The following ATP1B3 variants were observed in gnomAD, a reference collection of about 807,000 sequenced individuals.
ATP1B3 encodes the protein sodium/potassium-transporting ATPase subunit beta-3.
A neutral mutation model predicts 30.2 loss-of-function variants in ATP1B3; 10 were observed. The observed-to-expected ratio is 0.33, with a 90% CI of 0.20 to 0.56. The LOEUF (loss-of-function observed/expected upper bound fraction) is 0.56, where lower values mean the gene tolerates loss of function less well. Among genes scored for constraint, ATP1B3 ranks in the 20% least tolerant of loss-of-function variants. The pLI, the probability that ATP1B3 is intolerant of heterozygous loss-of-function variation, is 0.90. For missense variants in ATP1B3, 238 were observed against 336.7 expected, an observed-to-expected ratio of 0.71 and a Z score of 2.29; for synonymous variants, 113 against 117.0, an observed-to-expected ratio of 0.97 and a Z score of 0.22.
chr3:141,893,303 C>T (rs1933994068), intron 1 of ATP1B3, among the ~76,000 whole-genome samples: 1 of 152,144 alleles, frequency 6.6e-6, no homozygotes, highest in African/African-American at 2.4e-5. Context: ...GCCACCACAC[C>T]CAGCTCTCTT....
At chr3:141,893,500 A>G (rs1933998706) in intron 1 of ATP1B3, among the ~76,000 whole-genome samples, 1 of 151,940 alleles carries the variant, frequency 6.6e-6, no homozygotes, top group Non-Finnish European at 1.5e-5. Context: ...TGTCTCAACA[A>G]TTTTTCATAT....
intron 1 of ATP1B3, among the ~76,000 whole-genome samples, chr3:141,878,732 ATC>A (rs758235099): frequency 1.3e-5 from 2 of 152,246 alleles, no homozygotes; most frequent in Non-Finnish European, 2.9e-5. Flanking sequence ...GATTAAGTCA[ATC>A]TCTTCAAAAT....
At chr3:141,919,661 G>A (rs937915128) in intron 5 of ATP1B3, among the ~76,000 whole-genome samples, 25 of 152,206 alleles carry the variant, frequency 1.6e-4, no homozygotes, top group African/African-American at 5.3e-4. Context: ...TGCTATTGCC[G>A]GACGCGGTGG....
chr3:141,904,607 GA>G (rs376485506), intron 2 of ATP1B3, among the ~76,000 whole-genome samples: 6 of 149,270 alleles, frequency 4.0e-5, no homozygotes, highest in Non-Finnish European at 5.9e-5. Context: ...TTTTCTTCTG[GA>G]AAAAAAATTC....
chr3:141,882,091 A>G (rs562943528), intron 1 of ATP1B3, among the ~76,000 whole-genome samples: 1 of 152,174 alleles, frequency 6.6e-6, no homozygotes, highest in South Asian at 2.1e-4. Flanking sequence ...TATCTATACA[A>G]TTAAACTAGT....
At chr3:141,889,728 CAAAAAAAA>C (rs1168549266) in intron 1 of ATP1B3, among the ~76,000 whole-genome samples, 4 of 48,480 alleles carry the variant, frequency 8.3e-5, no homozygotes, top group African/African-American at 2.5e-4. Flanking sequence ...GACTCCGTCT[CAAAAAAAA>C]AAAAAAAAAA....
At position 141,925,515 on chromosome 3, in the gene ATP1B3, T is replaced by G; in HGVS notation, c.670-16T>G. The G allele has an allele frequency of 6.3e-7, 1 of 1,584,814 alleles. No homozygotes were observed. Among genetic ancestry groups the G allele is most frequent in the South Asian group, 1.2e-5 (1 of 85,920 alleles). ...TCCATAGAGTTTGAATTAATATATTTTCCTTTTATTGCCAGGTTGGGTATC... is the reference window on the plus strand; with the variant it reads ...TCCATAGAGTTTGAATTAATATATTGTCCTTTTATTGCCAGGTTGGGTATC... On this transcript the variant is annotated splice_polypyrimidine_tract_variant and intron_variant, in intron 6 of 6. Coordinates refer to ENST00000286371, the MANE Select transcript of ATP1B3 (RefSeq NM_001679.4).
rs547570991 is a variant in ATP1B3 at position 141,893,494 on chromosome 3, T to C, written c.110-10126T>C. On this transcript the variant is annotated intron_variant, in intron 1 of 6. Coordinates refer to ENST00000286371, the MANE Select transcript of ATP1B3 (RefSeq NM_001679.4). ...TATTTCTGGTTCTCTCCCCAATGTC[T>C]CAACAATTTTTCATATACTCCTTCT... 2.0e-5 allele frequency among the ~76,000 whole-genome samples: 3 copies of C among 152,268 alleles called. No individual in the cohort carries two copies. In the South Asian group the frequency reaches 6.2e-4, roughly 32 times the overall value.
At chr3:141,878,265 C>T (rs935783480) in intron 1 of ATP1B3, among the ~76,000 whole-genome samples, 1 of 152,198 alleles carries the variant, frequency 6.6e-6, no homozygotes, top group African/African-American at 2.4e-5. Flanking sequence ...AGATGCCTTG[C>T]CTAACTGCAT....
At chr3:141,893,948 T>C (rs796378537) in intron 1 of ATP1B3, among the ~76,000 whole-genome samples, 5 of 152,336 alleles carry the variant, frequency 3.3e-5, no homozygotes, top group African/African-American at 1.2e-4. Flanking sequence ...CTAGATGGCA[T>C]AGCCCTCTAG....
At position 141,881,551 on chromosome 3, in the gene ATP1B3, G is replaced by A. The variant is rs142698746; in HGVS notation, c.109+4641G>A. Among the ~76,000 whole-genome samples, 62 of 152,352 alleles carry A rather than the reference G, an allele frequency of 4.1e-4. 1 individual carries two copies. The highest frequency in any genetic ancestry group is 1.4e-3 in the African/African-American group (59 of 41,582). On this transcript the variant is annotated intron_variant, in intron 1 of 6. Transcript: ENST00000286371. ...GCATCTGACAGTAGGGGAGAAGGCA[G>A]ATGTGTTTGTTTTCCATTGTCTGTC...
chr3:141,904,264 TCTTGAGAGTTTGA>T (rs1382042976), intron 2 of ATP1B3, among the ~76,000 whole-genome samples: 22 of 152,120 alleles, frequency 1.4e-4, no homozygotes, highest in Non-Finnish European at 1.5e-5. Context: ...TACTGATAAA[TCTTGAGAGTTTGA>T]GTGGGTTTGT....
intron 1 of ATP1B3, among the ~76,000 whole-genome samples, chr3:141,901,955 T>G (rs922821800): frequency 2.0e-5 from 3 of 152,228 alleles, no homozygotes; most frequent in African/African-American, 7.2e-5. Flanking sequence ...TCATTACATT[T>G]AAGTTTCTGT....
intron 3 of ATP1B3, among the ~76,000 whole-genome samples, chr3:141,908,291 C>G (rs1004485375): frequency 6.6e-6 from 1 of 151,906 alleles, no homozygotes; most frequent in African/African-American, 2.4e-5. Context: ...TTTGCTTGGC[C>G]GAGCCATTTA....
chr3:141,913,297 C>T (rs550456596), intron 3 of ATP1B3, among the ~76,000 whole-genome samples: 67 of 152,094 alleles, frequency 4.4e-4, no homozygotes, highest in South Asian at 8.3e-4. Flanking sequence ...CCCACAAAAC[C>T]GTAAGCTCCA....
intron 5 of ATP1B3, among the ~76,000 whole-genome samples, chr3:141,918,030 A>T (rs952682452): frequency 2.6e-5 from 4 of 151,860 alleles, no homozygotes; most frequent in Admixed American, 2.0e-4. Flanking sequence ...AGCCTCCCAA[A>T]GTGCTGGGAT....
intron 5 of ATP1B3, 35 bp downstream of exon 5, chr3:141,916,055 T>C (rs768110412): frequency 2.6e-6 from 4 of 1,548,676 alleles, no homozygotes; most frequent in Admixed American, 3.6e-5. Flanking sequence ...GTTAAATCTT[T>C]GATGTTTCTT....
chr3:141,913,857 T>A (rs1159459222), intron 4 of ATP1B3, 21 bp downstream of exon 4: 1 of 1,571,220 alleles, frequency 6.4e-7, no homozygotes, highest in Non-Finnish European at 8.6e-7. Flanking sequence ...ATTTTACCTC[T>A]GCTGCTGCTT....
chr3:141,918,175 A>AATT (rs1331551354), intron 5 of ATP1B3: 5 of 152,206 alleles, frequency 3.3e-5, no homozygotes, highest in African/African-American at 4.8e-5. Context: ...AATGTTGGGT[A>AATT]ACCCTTTGTG....
Sources: gnomAD v4.1 joint callset for allele counts (sites outside exome capture counted in the v4.1 genomes callset) on GRCh38, gnomAD v4.1.1 for gene constraint, MANE v1.5 for transcripts, NCBI Gene and HGNC (gene_info 2026-07-23, HGNC 2026-07-21) for gene names.